Variants in ANKIB1 observed in about 807,000 individuals in gnomAD.
ANKIB1 encodes the protein ankyrin repeat and IBR domain containing 1, also known as ankyrin repeat and IBR domain-containing protein 1.
In ANKIB1, 43 loss-of-function variants were observed where a neutral mutation model predicts 122.1. That is an observed-to-expected ratio of 0.35 (90% CI 0.28 to 0.45). The LOEUF is 0.45. ANKIB1 is among the 20% of genes least tolerant of loss of function. The pLI is 1.00. For missense variants in ANKIB1, 992 were observed against 1,329.5 expected (o/e 0.75, Z 3.95); for synonymous variants, 390 against 442.0 (o/e 0.88, Z 1.48).
chr7:92,285,169 G>A (rs1802093814), intron 1 of ANKIB1, among the ~76,000 whole-genome samples: 1 of 152,050 alleles, frequency 6.6e-6, no homozygotes, highest in Admixed American at 6.6e-5. Flanking sequence ...CCGGGTTCAA[G>A]CGATTTCCCG....
At chr7:92,379,201 T>C (rs1804455041) in intron 11 of ANKIB1, among the ~76,000 whole-genome samples, 1 of 152,128 alleles carries the variant, frequency 6.6e-6, no homozygotes, top group Non-Finnish European at 1.5e-5. Context: ...CCATCCTGGC[T>C]AACAGGGTGA....
intron 14 of ANKIB1, among the ~76,000 whole-genome samples, chr7:92,389,145 A>C (rs4729036): frequency 6.6e-5 from 10 of 152,000 alleles, no homozygotes; most frequent in Non-Finnish European, 1.5e-4. Context: ...GGAAAAAAAC[A>C]AAAAGATACA....
rs559981220 is a variant in ANKIB1 at position 92,386,800 on chromosome 7, AGAG to A, written c.1752+158_1752+160del. 3.8e-3 allele frequency among the ~76,000 whole-genome samples: 576 copies of A among 152,308 alleles called. 2 individuals are homozygous for A. Among genetic ancestry groups the A allele is most frequent in the South Asian group, 6.6e-3 (32 of 4,828 alleles). On this transcript the variant is annotated intron_variant, in intron 12 of 19. Transcript: ENST00000265742. ...TCAACAAAACAGCTCTGTAAACTTG[AGAG>A]CTTTTTCCCTTTTACATTTTCCTTT... is the stretch of plus-strand genomic sequence containing the variant.
intron 11 of ANKIB1, among the ~76,000 whole-genome samples, chr7:92,374,340 T>C (rs1789039496): frequency 6.6e-6 from 1 of 152,102 alleles, no homozygotes; most frequent in African/African-American, 2.4e-5. Context: ...TGTCTGGGTA[T>C]GGTGACGGGC....
rs779637259 is a variant in ANKIB1, at chr7:92,398,859, CGAG to C, written c.3182_3184del (p.Glu1061del). ...CATCTCAAGCTGGTGACAGTGGTAA[CGAG>C]GCAGCCAACAGAGGAGATGGTTCAG... On this transcript the variant is annotated inframe_deletion, in exon 20 of 20. Coordinates refer to ENST00000265742, the MANE Select transcript of ANKIB1 (RefSeq NM_019004.2). 9.3e-6 allele frequency: 15 copies of C among 1,604,884 alleles called. No individual in the cohort carries two copies. Among genetic ancestry groups the C allele is most frequent in the Non-Finnish European group, 1.3e-5 (15 of 1,175,554 alleles).
chr7:92,277,155 A>G (rs1044921586), intron 1 of ANKIB1, among the ~76,000 whole-genome samples: 3 of 152,094 alleles, frequency 2.0e-5, no homozygotes, highest in African/African-American at 7.2e-5. Context: ...TGCGGTCATC[A>G]TGCTTCCTGT....
chr7:92,247,286 T>C (rs903441272), intron 1 of ANKIB1, among the ~76,000 whole-genome samples: 26 of 152,256 alleles, frequency 1.7e-4, no homozygotes, highest in Non-Finnish European at 3.4e-4. Flanking sequence ...CTTTAAATTT[T>C]AGTGTTCTAA....
At chr7:92,329,400 G>A (rs192844191) in intron 5 of ANKIB1, among the ~76,000 whole-genome samples, 408 of 152,286 alleles carry the variant, frequency 2.7e-3, no homozygotes, top group Non-Finnish European at 4.7e-3. Flanking sequence ...AATAACCCCA[G>A]AGAATCTAAG....
chr7:92,320,743 T>C (rs1802890769), intron 4 of ANKIB1, among the ~76,000 whole-genome samples: 1 of 152,182 alleles, frequency 6.6e-6, no homozygotes, highest in African/African-American at 2.4e-5. Context: ...TCCTTACTGG[T>C]CTTCTTCCTT....
At chr7:92,333,952 A>AT (rs1195503097) in intron 5 of ANKIB1, among the ~76,000 whole-genome samples, 1 of 152,182 alleles carries the variant, frequency 6.6e-6, no homozygotes, top group East Asian at 1.9e-4. Flanking sequence ...TATGTGACAC[A>AT]TTTTAACACA....
intron 4 of ANKIB1, among the ~76,000 whole-genome samples, chr7:92,327,286 A>T (rs966097242): frequency 3.3e-5 from 5 of 152,216 alleles, no homozygotes; most frequent in Non-Finnish European, 5.9e-5. Context: ...TTTGAAGTCC[A>T]TGATAGTGGA....
chr7:92,257,205 A>G (rs977177294), intron 1 of ANKIB1, among the ~76,000 whole-genome samples: 3 of 151,710 alleles, frequency 2.0e-5, no homozygotes, highest in Non-Finnish European at 4.4e-5. Context: ...AAAAAAAAAG[A>G]GAGAAAAAAA....
intron 5 of ANKIB1, among the ~76,000 whole-genome samples, chr7:92,338,927 AAAAAAAATATATATATATAT>A (rs1803359980): frequency 2.1e-5 from 1 of 47,596 alleles, no homozygotes; most frequent in Non-Finnish European, 4.3e-5. Context: ...AAAAAAAAAA[AAAAAAAATATATATATATAT>A]ATATATATAT....
intron 5 of ANKIB1, among the ~76,000 whole-genome samples, chr7:92,338,666 C>T (rs1254361438): frequency 6.6e-6 from 1 of 151,180 alleles, no homozygotes; most frequent in African/African-American, 2.4e-5. Context: ...AATCCCAGCA[C>T]TTTGGGAGGC....
intron 1 of ANKIB1, among the ~76,000 whole-genome samples, chr7:92,251,340 T>C (rs1801325612): frequency 6.6e-6 from 1 of 152,206 alleles, no homozygotes; most frequent in Non-Finnish European, 1.5e-5. Flanking sequence ...ATTGCCCTTC[T>C]TGTTAATGCG....
At chr7:92,285,403 GA>G (rs1264048394) in intron 1 of ANKIB1, among the ~76,000 whole-genome samples, 7 of 152,114 alleles carry the variant, frequency 4.6e-5, no homozygotes, top group African/African-American at 1.7e-4. Flanking sequence ...TTTTCATATA[GA>G]AAAGTATAAG....
chr7:92,344,957 A>AT, intron 6 of ANKIB1, 21 bp from the exon 7 acceptor site: 8 of 1,572,174 alleles, frequency 5.1e-6, no homozygotes, highest in Non-Finnish European at 7.0e-6. Flanking sequence ...TGTTTAAATC[A>AT]TTGTTCTTCT....
rs555339755 is a variant in ANKIB1 at position 92,327,132 on chromosome 7, A to G, written c.670-651A>G. Among the ~76,000 whole-genome samples, 8 of 152,358 alleles carry G rather than the reference A, an allele frequency of 5.3e-5. No individual in the cohort carries two copies. The South Asian group carries it at 1.7e-3, about 32-fold the overall frequency. The stretch of plus-strand genomic sequence containing the variant: ...GGTGGAATTATAGGTTTTTATTTCT[A>G]ATACTTTTTGTATAATCCAAAATTT... On this transcript the variant is annotated intron_variant, in intron 4 of 19. Transcript: ENST00000265742.
At chr7:92,352,435 A>G in intron 8 of ANKIB1, 41 bp from the exon 9 acceptor site, 2 of 1,596,840 alleles carry the variant, frequency 1.3e-6, no homozygotes, top group East Asian at 2.2e-5. Flanking sequence ...ATTTAGCATT[A>G]AAATATTTTC....
Sources: allele counts gnomAD v4.1 joint callset (sites outside exome capture counted in the v4.1 genomes callset), GRCh38; gene constraint gnomAD v4.1.1; transcripts MANE v1.5; gene names NCBI Gene and HGNC (gene_info 2026-07-23, HGNC 2026-07-21).